The following GRTP1 variants were observed in gnomAD, a reference collection of about 807,000 sequenced individuals.
The protein encoded by GRTP1 is growth hormone regulated TBC protein 1.
GRTP1 carries 56 observed loss-of-function variants against 38.1 expected under a neutral mutation model. The ratio of observed to expected loss-of-function variants is 1.47; its 90% CI spans 1.19 to 1.84. The LOEUF (loss-of-function observed/expected upper bound fraction) is 1.84. GRTP1 is among the 40% of genes most tolerant of loss of function. The probability of loss-of-function intolerance (pLI) is 0.00; values close to 1 mark genes in which losing one functional copy is unlikely to be tolerated. For missense variants in GRTP1, 506 were observed against 453.9 expected (o/e 1.11, Z -1.04); for synonymous variants, 217 against 189.5 (o/e 1.14, Z -1.19).
chr13:113,324,485 C>G lies in GRTP1; in HGVS notation c.*3G>C. 6.2e-7 allele frequency: 1 copy of G among 1,605,014 alleles called. No homozygotes were observed. The highest frequency in any genetic ancestry group is 8.5e-7 in the Non-Finnish European group (1 of 1,176,166). On this transcript the variant is annotated 3_prime_UTR_variant, in exon 8 of 8. Coordinates refer to ENST00000375431, the MANE Select transcript of GRTP1 (RefSeq NM_024719.4). ...AGACGAGCAACGCAGGGGACAGGCA[C>G]GCTCACCCCTGTGCCAGCAGCCGGG...
chr13:113,353,844 C>T (rs528679405), intron 3 of GRTP1, among the ~76,000 whole-genome samples: 6 of 152,076 alleles, frequency 3.9e-5, no homozygotes, highest in Admixed American at 6.6e-5. Context: ...TGAAGGAGGG[C>T]GAATCCTCAG....
rs1448122575 is a variant in GRTP1 at position 113,343,943 on chromosome 13, C to T, written c.562+920G>A. Among the ~76,000 whole-genome samples the T allele has an allele frequency of 6.6e-6, 1 of 152,224 alleles. No homozygotes were observed. The highest frequency in any genetic ancestry group is 1.5e-5 in the Non-Finnish European group (1 of 68,038). ...TCTCTTCCCAAGTGACTTGAGCCTG[C>T]AGCTCATCGTCTGCACTGGCCTTCA... On this transcript the variant is annotated intron_variant, in intron 5 of 7. Transcript: ENST00000375431. This position sits in a 1 kb window ranked among gnomAD's most constrained non-coding sequence, Gnocchi z 4.8.
chr13:113,335,381 C>G (rs1367864624), intron 5 of GRTP1, among the ~76,000 whole-genome samples: 1 of 151,522 alleles, frequency 6.6e-6, no homozygotes, highest in Non-Finnish European at 1.5e-5. Context: ...CGAGATCATG[C>G]CATTGCACTC....
chr13:113,363,322 C>T (rs1345782092), intron 2 of GRTP1, among the ~76,000 whole-genome samples: 1 of 152,248 alleles, frequency 6.6e-6, no homozygotes, highest in Non-Finnish European at 1.5e-5. Flanking sequence ...ATTCTCCTGC[C>T]TCAGCCTCCA....
At chr13:113,358,467 G>A (rs75245621) in intron 2 of GRTP1, among the ~76,000 whole-genome samples, 20,961 of 152,132 alleles carry the variant, frequency 0.14, 1,611 homozygotes, top group African/African-American at 0.18. Flanking sequence ...TGTAGACAAT[G>A]ACAAGCTGAT....
At chr13:113,330,663 C>T (rs1275163512) in intron 5 of GRTP1, among the ~76,000 whole-genome samples, 1 of 93,446 alleles carries the variant, frequency 1.1e-5, no homozygotes, top group Non-Finnish European at 2.3e-5. Context: ...CAGGTGTGTG[C>T]ATGGAAACCC....
chr13:113,336,389 T>A (rs764474385), intron 5 of GRTP1, among the ~76,000 whole-genome samples: 6 of 148,664 alleles, frequency 4.0e-5, no homozygotes, highest in Admixed American at 2.0e-4. Context: ...CCTCTAGGTG[T>A]AAGATTCAGT....
chr13:113,331,648 CTTTTT>C (rs59328510), intron 5 of GRTP1, among the ~76,000 whole-genome samples: 1 of 92,990 alleles, frequency 1.1e-5, no homozygotes, highest in Non-Finnish European at 2.1e-5. Context: ...GTTTGGTTTA[CTTTTT>C]TTTTTTTTTT....
Position 113,346,033 on chromosome 13 carries a change from GACATCT to G in GRTP1, c.466-1080_466-1075del, listed in dbSNP as rs1339150317. 3.4e-4 allele frequency among the ~76,000 whole-genome samples: 29 copies of G among 86,108 alleles called. 1 individual carries two copies. The South Asian group carries it at 0.011, about 31-fold the overall frequency. The allele number at this position is 86,108 out of a possible 152,430, so 56.5% of individuals were successfully genotyped here. The stretch of plus-strand genomic sequence containing the variant: ...CTCTGCGGCTGAGCAGACCTGGGAA[GACATCT>G]GTGGCCGAGAGCAGACCCGGGAGGA... On this transcript the variant is annotated intron_variant, in intron 4 of 7. Coordinates refer to ENST00000375431, the MANE Select transcript of GRTP1 (RefSeq NM_024719.4).
At position 113,329,326 on chromosome 13, in the gene GRTP1, G is replaced by A. The variant is rs965716463; in HGVS notation, c.563-3235C>T. On this transcript the variant is annotated intron_variant, in intron 5 of 7. Transcript: ENST00000375431. Reference sequence around the variant, plus strand: ...GGTGCAGTGGCTCACACCTGTAATCGCAGCACTTTGGGAGGCTGAGACGGG... The same window carrying A: ...GGTGCAGTGGCTCACACCTGTAATCACAGCACTTTGGGAGGCTGAGACGGG... Among the ~76,000 whole-genome samples the A allele has an allele frequency of 9.2e-5, 14 of 152,182 alleles. No homozygotes were observed. The South Asian group carries it at 2.1e-3, about 23-fold the overall frequency.
rs1015913286 is a variant in GRTP1, at chr13:113,324,464, G to A, written c.*24C>T. 4 of 1,583,376 alleles carry A rather than the reference G, an allele frequency of 2.5e-6. No homozygotes were observed. The highest frequency in any genetic ancestry group is 1.2e-5 in the South Asian group (1 of 86,628). Reference sequence around the variant, plus strand: ...AAAGGGGCATCGTCAGTGTAGAGACGAGCAACGCAGGGGACAGGCACGCTC... The same window carrying A: ...AAAGGGGCATCGTCAGTGTAGAGACAAGCAACGCAGGGGACAGGCACGCTC... On this transcript the variant is annotated 3_prime_UTR_variant, in exon 8 of 8. Transcript: ENST00000375431.
At chr13:113,331,535 T>C (rs2042870884) in intron 5 of GRTP1, among the ~76,000 whole-genome samples, 1 of 152,026 alleles carries the variant, frequency 6.6e-6, no homozygotes, top group Admixed American at 6.5e-5. Flanking sequence ...TCTCTGCATC[T>C]CTTTTCCTGA....
Position 113,345,957 on chromosome 13 carries a change from C to T in GRTP1, c.466-998G>A, listed in dbSNP as rs145863597. Among the ~76,000 whole-genome samples the T allele has an allele frequency of 9.9e-5, 15 of 151,540 alleles. No homozygotes were observed. In the South Asian group the frequency reaches 1.9e-3, roughly 20 times the overall value. ...GAAATGCTGGGAAGACCTCTGTGGC[C>T]AAAAGCAGACCCAGGAGGACTTTTG... On this transcript the variant is annotated intron_variant, in intron 4 of 7. Transcript: ENST00000375431.
Position 113,348,900 on chromosome 13 carries a change from C to T in GRTP1, c.465+1949G>A, listed in dbSNP as rs973948976. Among the ~76,000 whole-genome samples the T allele has an allele frequency of 2.0e-5, 3 of 152,182 alleles. No homozygotes were observed. In the East Asian group the frequency reaches 5.8e-4, roughly 29 times the overall value. ...GAGAGAATTCGTTTCCACTGTTTACCAGGCTGTGGCATTTCCTTAGGGGCC... is the reference window on the plus strand; with the variant it reads ...GAGAGAATTCGTTTCCACTGTTTACTAGGCTGTGGCATTTCCTTAGGGGCC... On this transcript the variant is annotated intron_variant, in intron 4 of 7. Transcript: ENST00000375431. The surrounding 1 kb of genome is among the most constrained non-coding windows in gnomAD (Gnocchi z 4.8).
intron 2 of GRTP1, among the ~76,000 whole-genome samples, chr13:113,357,242 C>T (rs1380499274): frequency 6.6e-6 from 1 of 151,354 alleles, no homozygotes; most frequent in Admixed American, 6.6e-5. Context: ...GTCCAGAGAT[C>T]GAGACCAGCC....
chr13:113,331,758 C>T (rs1595477729), intron 5 of GRTP1, among the ~76,000 whole-genome samples: 1 of 146,982 alleles, frequency 6.8e-6, no homozygotes, highest in East Asian at 2.1e-4. Flanking sequence ...CAGGTTAAAG[C>T]GATTCTCCTG....
rs1221641661 is a variant in GRTP1, at chr13:113,355,406, G to C, written c.257C>G (p.Ala86Gly). Residue 86 changes from alanine to glycine, a missense_variant, in exon 3 of 8, where the codon GCG becomes GGG. Coordinates refer to ENST00000375431, the MANE Select transcript of GRTP1 (RefSeq NM_024719.4). ...GTAGCCGGGATTCTGGTCCATCTGC[G>C]CCTGGGCCCCACTCAGCACCATCCA... is the stretch of plus-strand genomic sequence containing the variant. ...RVWMVLSGAQ[A>G]QMDQNPGYYH... 5.0e-6 allele frequency: 8 copies of C among 1,614,082 alleles called. No homozygotes were observed. Among genetic ancestry groups the C allele is most frequent in the East Asian group, 4.5e-5 (2 of 44,864 alleles).
At chr13:113,329,859 A>C (rs1300116934) in intron 5 of GRTP1, among the ~76,000 whole-genome samples, 1 of 152,254 alleles carries the variant, frequency 6.6e-6, no homozygotes, top group Non-Finnish European at 1.5e-5. Flanking sequence ...GAAGTGACTC[A>C]TAAAAGATAA....
intron 7 of GRTP1, chr13:113,325,330 A>C: frequency 1.4e-6 from 2 of 1,401,534 alleles, no homozygotes; most frequent in Non-Finnish European, 1.8e-6. Context: ...ACCTGAGTCT[A>C]TACGGCCTGC....
Sources: allele counts gnomAD v4.1 joint callset (sites outside exome capture counted in the v4.1 genomes callset), GRCh38; gene constraint gnomAD v4.1.1; non-coding constraint Gnocchi (gnomAD v3.1); transcripts MANE v1.5; gene names NCBI Gene and HGNC (gene_info 2026-07-23, HGNC 2026-07-21).